BIRC6: variants seen among roughly 807,000 people sequenced by gnomAD.
BIRC6 encodes dual E2 ubiquitin-conjugating enzyme/E3 ubiquitin-protein ligase BIRC6.
In BIRC6, 98 loss-of-function variants were observed where a neutral mutation model predicts 503.3. The observed-to-expected ratio is 0.19, with a 90% CI of 0.17 to 0.23. The LOEUF is 0.23. Ranked by LOEUF, BIRC6 falls within the 10% of genes least tolerant of loss-of-function variation. The pLI, the probability that BIRC6 is intolerant of heterozygous loss-of-function variation, is 1.00. For synonymous variants in BIRC6, 2,240 were observed against 2,078.7 expected, an observed-to-expected ratio of 1.08 and a Z score of -2.11; for missense variants, 5,360 against 5,806.0, an observed-to-expected ratio of 0.92 and a Z score of 2.50.
chr2:32,517,929 C>A (rs554770174), intron 55 of BIRC6, among the ~76,000 whole-genome samples: 138 of 152,006 alleles, frequency 9.1e-4, no homozygotes, highest in Admixed American at 1.8e-3. Context: ...GATAACCACA[C>A]CAATATTGAC....
At chr2:32,593,855 G>A in intron 66 of BIRC6, 60 bp from the exon 67 acceptor site, 1 of 1,374,730 alleles carries the variant, frequency 7.3e-7, no homozygotes, top group South Asian at 1.2e-5. Flanking sequence ...ATTTATGGAG[G>A]TGTTTTAGTC....
At position 32,488,573 on chromosome 2, in the gene BIRC6, T is replaced by A; in HGVS notation, c.7969-15T>A. ...TAGGTACATTTTTCTCCTGTTGATTTTCATTCTTTTTCAGTTGGAGTCACT... is the reference window on the plus strand; with the variant it reads ...TAGGTACATTTTTCTCCTGTTGATTATCATTCTTTTTCAGTTGGAGTCACT... On this transcript the variant is annotated splice_polypyrimidine_tract_variant and intron_variant, in intron 41 of 73. Transcript: ENST00000421745. 1 of 1,510,504 alleles carries A rather than the reference T, an allele frequency of 6.6e-7. No homozygotes were observed. 93.6% of individuals were successfully genotyped at this position (1,510,504 alleles called of 1,614,324 possible).
At chr2:32,402,427 G>A (rs980344571) in intron 8 of BIRC6, among the ~76,000 whole-genome samples, 3 of 152,200 alleles carry the variant, frequency 2.0e-5, no homozygotes, top group African/African-American at 7.2e-5. Context: ...TTATGTTACT[G>A]ACATGTGATG....
chr2:32,404,239 T>G (rs576439142), intron 8 of BIRC6, among the ~76,000 whole-genome samples: 22 of 152,204 alleles, frequency 1.4e-4, no homozygotes, highest in African/African-American at 5.3e-4. Flanking sequence ...GCATGTGATT[T>G]TTTAAAAAGT....
chr2:32,421,088 GTTTCTTTCTTTC>G lies in BIRC6; in HGVS notation c.2872+4941_2872+4952del, dbSNP rs576842385. Among the ~76,000 whole-genome samples the G allele has an allele frequency of 6.4e-4, 92 of 143,526 alleles. 2 individuals are homozygous for G. The highest frequency in any genetic ancestry group is 5.9e-4 in the African/African-American group (23 of 39,006). The allele number at this position is 143,526 out of a possible 152,430, so 94.2% of individuals were successfully genotyped here. A position where few individuals can be genotyped will look rare whatever the true frequency, so the allele number is the denominator to read the frequency against. Reference sequence around the variant, plus strand: ...TTTGGGTTTATTTTGCTCTTCTCTAGTTTCTTTCTTTCTTTCTTTCTTTCTTTTTTTTTTTTT... The same window carrying G: ...TTTGGGTTTATTTTGCTCTTCTCTAGTTTCTTTCTTTCTTTTTTTTTTTTT... On this transcript the variant is annotated intron_variant, in intron 10 of 73. Transcript: ENST00000421745.
chr2:32,546,643 A>G (rs1011771399), intron 63 of BIRC6, among the ~76,000 whole-genome samples: 4 of 152,140 alleles, frequency 2.6e-5, no homozygotes, highest in African/African-American at 7.2e-5. Flanking sequence ...ATAATACATC[A>G]TGGGGTCAGT....
intron 63 of BIRC6, 55 bp downstream of exon 63, chr2:32,545,915 G>A: frequency 6.7e-7 from 1 of 1,482,314 alleles, no homozygotes; most frequent in Non-Finnish European, 9.3e-7. Context: ...TAATTAGGGA[G>A]TACAGAATAA....
chr2:32,600,341 T>G (rs2061970886), intron 70 of BIRC6, among the ~76,000 whole-genome samples: 2 of 152,210 alleles, frequency 1.3e-5, no homozygotes. Flanking sequence ...AGAGGTATTT[T>G]GGATACTTTG....
chr2:32,506,046 G>C (rs1295212579), intron 50 of BIRC6, among the ~76,000 whole-genome samples: 1 of 151,976 alleles, frequency 6.6e-6, no homozygotes, highest in African/African-American at 2.4e-5. Context: ...ACGGGGTTTT[G>C]TTATGATGCC....
rs372598939 is a variant in BIRC6, at chr2:32,401,149, A to T, written c.1035-14A>T. The T allele has an allele frequency of 1.0e-4, 168 of 1,605,972 alleles. 2 individuals are homozygous for T. In the African/African-American group the frequency reaches 1.7e-3, roughly 16 times the overall value. ...TATTTTTAGTAAACTTTTCCTTTCT[A>T]AATCTATGCAAAGGTCTGAACACGA... On this transcript the variant is annotated splice_polypyrimidine_tract_variant and intron_variant, in intron 6 of 73. Transcript: ENST00000421745.
intron 1 of BIRC6, among the ~76,000 whole-genome samples, chr2:32,367,138 C>T (rs1274709182): frequency 6.6e-6 from 1 of 151,298 alleles, no homozygotes; most frequent in African/African-American, 2.4e-5. Context: ...AATAGAGATA[C>T]AAATAAAAAG....
intron 27 of BIRC6, 53 bp downstream of exon 27, chr2:32,467,792 T>A: frequency 6.7e-7 from 1 of 1,495,238 alleles, no homozygotes. Flanking sequence ...TCTGACAAGT[T>A]ATGAAAAATG....
At chr2:32,426,429 C>T (rs768004515) in intron 10 of BIRC6, among the ~76,000 whole-genome samples, 1 of 151,984 alleles carries the variant, frequency 6.6e-6, no homozygotes, top group Non-Finnish European at 1.5e-5. Flanking sequence ...ATGGCAAAAC[C>T]CTGTCTCTAC....
Position 32,543,300 on chromosome 2 carries a change from T to C in BIRC6, c.12351T>C (p.Phe4117=), listed in dbSNP as rs2057814906. 6.2e-7 allele frequency: 1 copy of C among 1,614,000 alleles called. No individual in the cohort carries two copies. The highest frequency in any genetic ancestry group is 1.3e-5 in the African/African-American group (1 of 75,044). ...AAAAGCCGAAGGATAGCGATCAGTT[T>C]GAATGGGTGACCATTGAACAGTCAG... ...TQEKPKDSDQ[F]EWVTIEQSGE... The change falls in exon 62 of 74, where the codon TTT becomes TTC. Residue 4117 remains phenylalanine, a synonymous_variant. Transcript: ENST00000421745.
intron 65 of BIRC6, among the ~76,000 whole-genome samples, chr2:32,568,982 C>CTTTTTTTTTTTT (rs199909930): frequency 1.5e-5 from 2 of 131,356 alleles, no homozygotes; most frequent in Non-Finnish European, 3.3e-5. Context: ...CCATGTCTCT[C>CTTTTTTTTTTTT]TCTTTTTTTT....
intron 45 of BIRC6, among the ~76,000 whole-genome samples, chr2:32,496,077 G>A (rs938604705): frequency 1.3e-5 from 2 of 151,936 alleles, no homozygotes; most frequent in Non-Finnish European, 2.9e-5. Context: ...TCCTGACCTC[G>A]TGATCAGCCT....
intron 5 of BIRC6, among the ~76,000 whole-genome samples, chr2:32,392,714 C>T (rs906523795): frequency 6.6e-6 from 1 of 152,146 alleles, no homozygotes; most frequent in Non-Finnish European, 1.5e-5. Context: ...TCTCAACCTT[C>T]CCAGGCACAG....
At chr2:32,510,680 T>A in intron 53 of BIRC6, 46 bp downstream of exon 53, 1 of 1,230,348 alleles carries the variant, frequency 8.1e-7, no homozygotes, top group Non-Finnish European at 1.2e-6. Flanking sequence ...ATGCACATAA[T>A]CATGCTATAG....
intron 3 of BIRC6, 54 bp downstream of exon 3, chr2:32,380,344 A>T (rs1444754761): frequency 1.3e-6 from 2 of 1,515,510 alleles, no homozygotes; most frequent in Non-Finnish European, 1.8e-6. Flanking sequence ...GGACACCTCC[A>T]TTCTTTTGCA....
Sources: gnomAD v4.1 joint callset for allele counts (sites outside exome capture counted in the v4.1 genomes callset) on GRCh38, gnomAD v4.1.1 for gene constraint, MANE v1.5 for transcripts, NCBI Gene and HGNC (gene_info 2026-07-23, HGNC 2026-07-21) for gene names.